TENM2: variants seen among roughly 807,000 people sequenced by gnomAD.
TENM2 encodes the protein teneurin-2.
Under a neutral mutation model 245.2 loss-of-function variants are expected in TENM2, and 52 were observed. The ratio of observed to expected loss-of-function variants is 0.21; its 90% CI spans 0.17 to 0.27. The LOEUF is 0.27. Ranked by LOEUF, TENM2 falls within the 10% of genes least tolerant of loss-of-function variation. The probability of loss-of-function intolerance (pLI) is 1.00; values close to 1 mark genes in which losing one functional copy is unlikely to be tolerated. For missense variants in TENM2, 3,046 were observed against 3,666.8 expected, an observed-to-expected ratio of 0.83 and a Z score of 4.37; for synonymous variants, 1,363 against 1,438.9, an observed-to-expected ratio of 0.95 and a Z score of 1.19.
chr5:167,586,413 C>G (rs1211790799), intron 2 of TENM2, among the ~76,000 whole-genome samples: 1 of 152,192 alleles, frequency 6.6e-6, no homozygotes, highest in Non-Finnish European at 1.5e-5. Flanking sequence ...GGTCAGTTAA[C>G]TGTTCCTCTG....
chr5:167,449,251 G>A (rs938411964), intron 2 of TENM2, among the ~76,000 whole-genome samples: 3 of 152,130 alleles, frequency 2.0e-5, no homozygotes, highest in Non-Finnish European at 4.4e-5. Flanking sequence ...ATGAAATGAA[G>A]CATTGGCAAA....
intron 2 of TENM2, among the ~76,000 whole-genome samples, chr5:167,446,089 C>T (rs1015847038): frequency 7.9e-5 from 12 of 151,934 alleles, no homozygotes; most frequent in African/African-American, 2.9e-4. Flanking sequence ...TTCTTGTTTC[C>T]GGGTAATCAC....
chr5:167,887,544 A>T (rs1774385553), intron 3 of TENM2, among the ~76,000 whole-genome samples: 1 of 152,222 alleles, frequency 6.6e-6, no homozygotes, highest in African/African-American at 2.4e-5. Context: ...ACAGGGCATG[A>T]TGAGAAAAGA....
intron 2 of TENM2, among the ~76,000 whole-genome samples, chr5:167,745,429 A>G (rs1293267290): frequency 6.6e-6 from 1 of 152,242 alleles, no homozygotes; most frequent in Non-Finnish European, 1.5e-5. Context: ...GCCTTGAGAC[A>G]CTGTTCTCAA....
chr5:168,161,014 G>C (rs906325010), intron 12 of TENM2, among the ~76,000 whole-genome samples: 1 of 151,984 alleles, frequency 6.6e-6, no homozygotes, highest in Admixed American at 6.5e-5. Flanking sequence ...CTGAGTGAGA[G>C]AGTGAGACCC....
chr5:168,064,925 A>G lies in TENM2; in HGVS notation c.1515+2660A>G, dbSNP rs560430121. 3.3e-5 allele frequency among the ~76,000 whole-genome samples: 5 copies of G among 152,360 alleles called. No homozygotes were observed. In the East Asian group the frequency reaches 9.6e-4, roughly 29 times the overall value. ...TCTCACATTCATTCGCTGTCATTAC[A>G]TGCATTCATGTCCATTTGATGAACT... On this transcript the variant is annotated intron_variant, in intron 7 of 28. Coordinates refer to ENST00000518659, the Ensembl canonical transcript of TENM2.
chr5:167,146,278 A>G, the TENM2 span, among the ~76,000 whole-genome samples: 97 of 152,288 alleles, frequency 6.4e-4, no homozygotes, highest in Non-Finnish European at 1.2e-3. Flanking sequence ...GGTTGGTCAG[A>G]AATTTCATTA....
intron 1 of TENM2, among the ~76,000 whole-genome samples, chr5:167,345,397 A>G (rs1039643960): frequency 6.6e-6 from 1 of 152,260 alleles, no homozygotes; most frequent in South Asian, 2.1e-4. Context: ...ACTCACCTTC[A>G]ATCATACATC....
chr5:167,778,148 G>A lies in TENM2; in HGVS notation c.503-97838G>A, dbSNP rs1265627796. Among the ~76,000 whole-genome samples, 5 of 152,280 alleles carry A rather than the reference G, an allele frequency of 3.3e-5. No homozygotes were observed. The East Asian group carries it at 9.7e-4, about 29-fold the overall frequency. Reference sequence around the variant, plus strand: ...GATCCATCAAGGTAGTCTCCTTGTAGGCTACAGTAAAAAGAGAAAGCTTGG... The same window carrying A: ...GATCCATCAAGGTAGTCTCCTTGTAAGCTACAGTAAAAAGAGAAAGCTTGG... On this transcript the variant is annotated intron_variant, in intron 2 of 28. Transcript: ENST00000518659.
chr5:167,876,194 T>A, exon 3 of TENM2: 1 of 1,550,236 alleles, frequency 6.5e-7, no homozygotes, highest in Non-Finnish European at 8.7e-7. Flanking sequence ...CCTCCAGCAG[T>A]GGTAAGGAAA....
At chr5:167,458,187 G>A (rs1766037027) in intron 2 of TENM2, among the ~76,000 whole-genome samples, 1 of 151,842 alleles carries the variant, frequency 6.6e-6, no homozygotes, top group African/African-American at 2.4e-5. Context: ...TTTGTTTAAG[G>A]TCAGTCAACA....
At chr5:168,194,747 G>A (rs1181088855) in intron 14 of TENM2, among the ~76,000 whole-genome samples, 1 of 152,040 alleles carries the variant, frequency 6.6e-6, no homozygotes, top group Non-Finnish European at 1.5e-5. Context: ...TACCCACTCT[G>A]ACATTCTGGC....
At chr5:167,300,244 G>A (rs1036248701) in intron 1 of TENM2, among the ~76,000 whole-genome samples, 1 of 152,186 alleles carries the variant, frequency 6.6e-6, no homozygotes, top group Non-Finnish European at 1.5e-5. Flanking sequence ...TAACAGATGA[G>A]GATGAAATTT....
chr5:167,212,534 A>G, the TENM2 span, among the ~76,000 whole-genome samples: 1 of 152,214 alleles, frequency 6.6e-6, no homozygotes, highest in East Asian at 1.9e-4. Flanking sequence ...CCGTCCCTGT[A>G]GAGCTTTTTA....
chr5:167,674,079 T>G (rs1019795243), intron 2 of TENM2, among the ~76,000 whole-genome samples: 2 of 152,148 alleles, frequency 1.3e-5, no homozygotes, highest in African/African-American at 4.8e-5. Context: ...AACTTATTGC[T>G]GACTAGAATT....
At chr5:167,808,173 C>T (rs1766367275) in intron 2 of TENM2, among the ~76,000 whole-genome samples, 1 of 152,130 alleles carries the variant, frequency 6.6e-6, no homozygotes, top group African/African-American at 2.4e-5. Context: ...AGTTGGGCCT[C>T]GAGGAAGCAA....
chr5:166,995,434 G>C, the TENM2 span, among the ~76,000 whole-genome samples: 1 of 151,638 alleles, frequency 6.6e-6, no homozygotes, highest in African/African-American at 2.4e-5. Flanking sequence ...GTAGAGACAG[G>C]GTTTCACTGT....
chr5:167,550,834 GTTC>G (rs1208820280), intron 2 of TENM2, among the ~76,000 whole-genome samples: 2 of 151,302 alleles, frequency 1.3e-5, no homozygotes, highest in African/African-American at 4.9e-5. Context: ...GGTTCAAGCA[GTTC>G]TTCTGCCTCA....
At chr5:167,399,159 A>C (rs892003453) in intron 2 of TENM2, among the ~76,000 whole-genome samples, 1 of 152,124 alleles carries the variant, frequency 6.6e-6, no homozygotes, top group African/African-American at 2.4e-5. Flanking sequence ...AGGTGATTTC[A>C]TTTTTGCTTT....
Sources: allele counts gnomAD v4.1 joint callset (sites outside exome capture counted in the v4.1 genomes callset), GRCh38; gene constraint gnomAD v4.1.1; transcripts MANE v1.5; gene names NCBI Gene and HGNC (gene_info 2026-07-23, HGNC 2026-07-21).